Variants in MGAT5 observed in about 807,000 individuals in gnomAD.
MGAT5 encodes the protein alpha-1,6-mannosylglycoprotein 6-beta-N-acetylglucosaminyltransferase A.
A neutral mutation model predicts 94.3 loss-of-function variants in MGAT5; 30 were observed. That is an observed-to-expected ratio of 0.32 (90% CI 0.24 to 0.43). The LOEUF (loss-of-function observed/expected upper bound fraction) is 0.43. Ranked by LOEUF, MGAT5 falls within the 20% of genes least tolerant of loss-of-function variation. The pLI, the probability that MGAT5 is intolerant of heterozygous loss-of-function variation, is 1.00. For missense variants in MGAT5, 691 were observed against 905.5 expected (o/e 0.76, Z 3.04); for synonymous variants, 310 against 322.9 (o/e 0.96, Z 0.43).
At chr2:134,294,745 G>T (rs1333043287) in intron 2 of MGAT5, among the ~76,000 whole-genome samples, 1 of 152,188 alleles carries the variant, frequency 6.6e-6, no homozygotes, top group African/African-American at 2.4e-5. Context: ...TTGCTTATAA[G>T]TATGTTTATA....
At chr2:134,261,559 C>G (rs1558740962) in intron 1 of MGAT5, among the ~76,000 whole-genome samples, 1 of 152,196 alleles carries the variant, frequency 6.6e-6, no homozygotes, top group Non-Finnish European at 1.5e-5. Flanking sequence ...AGAACACAGC[C>G]ATGCGCATTC....
intron 10 of MGAT5, among the ~76,000 whole-genome samples, chr2:134,368,552 G>A (rs1680579685): frequency 6.6e-6 from 1 of 152,174 alleles, no homozygotes; most frequent in Non-Finnish European, 1.5e-5. Context: ...AAATCAGGCA[G>A]CAGAACTTTC....
intron 1 of MGAT5, among the ~76,000 whole-genome samples, chr2:134,175,602 C>T (rs1419076039): frequency 6.6e-6 from 1 of 152,226 alleles, no homozygotes; most frequent in Non-Finnish European, 1.5e-5. Context: ...TTCCTCCCTC[C>T]TCTTCCGGCT....
At chr2:134,175,758 G>C in intron 1 of MGAT5, among the ~76,000 whole-genome samples, 1 of 152,190 alleles carries the variant, frequency 6.6e-6, no homozygotes, top group South Asian at 2.1e-4. Flanking sequence ...TCCAAGCCAG[G>C]TTTGGGATTT....
chr2:134,349,317 A>T (rs980730184), intron 8 of MGAT5, among the ~76,000 whole-genome samples: 3 of 152,192 alleles, frequency 2.0e-5, no homozygotes, highest in Admixed American at 6.6e-5. Flanking sequence ...TCTAAGCTTA[A>T]TGTAAAGTCA....
chr2:134,184,574 G>T (rs372495633), intron 1 of MGAT5, among the ~76,000 whole-genome samples: 10 of 152,098 alleles, frequency 6.6e-5, no homozygotes, highest in Non-Finnish European at 1.0e-4. Context: ...GTGTTCTTGC[G>T]ATACTGTGTG....
At position 134,373,452 on chromosome 2, in the gene MGAT5, G is replaced by T. The variant is rs779141487; in HGVS notation, c.1380+11044G>T. 2.6e-5 allele frequency among the ~76,000 whole-genome samples: 4 copies of T among 152,204 alleles called. No homozygotes were observed. In the South Asian group the frequency reaches 6.2e-4, roughly 24 times the overall value. Reference sequence around the variant, plus strand: ...GAATTTGAAACAGTCTGAAAGGCATGGTCTTCTGAATGTTATTGGGCACAG... The same window carrying T: ...GAATTTGAAACAGTCTGAAAGGCATTGTCTTCTGAATGTTATTGGGCACAG... On this transcript the variant is annotated intron_variant, in intron 10 of 15. Coordinates refer to ENST00000281923, the MANE Select transcript of MGAT5 (RefSeq NM_002410.5).
chr2:134,200,080 T>A (rs1426743703), intron 1 of MGAT5, among the ~76,000 whole-genome samples: 1 of 152,188 alleles, frequency 6.6e-6, no homozygotes, highest in African/African-American at 2.4e-5. Flanking sequence ...TACGTGCAGA[T>A]AGTAAGTCTT....
intron 1 of MGAT5, among the ~76,000 whole-genome samples, chr2:134,180,444 C>A (rs1688679342): frequency 6.6e-6 from 1 of 152,174 alleles, no homozygotes; most frequent in Non-Finnish European, 1.5e-5. Flanking sequence ...TGTTTGTAAT[C>A]CTGGTGTAAA....
chr2:134,348,830 T>G (rs529825914), intron 8 of MGAT5, among the ~76,000 whole-genome samples: 2 of 152,360 alleles, frequency 1.3e-5, no homozygotes, highest in Non-Finnish European at 2.9e-5. Flanking sequence ...AAATTTTGTT[T>G]TAGGATTGAT....
intron 9 of MGAT5, among the ~76,000 whole-genome samples, chr2:134,353,429 AAAGAG>A (rs1242307976): frequency 6.6e-6 from 1 of 152,202 alleles, no homozygotes; most frequent in Non-Finnish European, 1.5e-5. Context: ...TAGTATACAA[AAAGAG>A]GAGAGTACCT....
intron 1 of MGAT5, among the ~76,000 whole-genome samples, chr2:134,265,485 A>G (rs918239544): frequency 6.6e-6 from 1 of 152,220 alleles, no homozygotes; most frequent in Non-Finnish European, 1.5e-5. Context: ...ACCTGTTCCA[A>G]TGCAGTTTAA....
intron 4 of MGAT5, among the ~76,000 whole-genome samples, chr2:134,324,431 C>A (rs1222377958): frequency 6.6e-6 from 1 of 152,124 alleles, no homozygotes; most frequent in Non-Finnish European, 1.5e-5. Flanking sequence ...TCTTTCTGTT[C>A]TCCCTTGGCA....
At chr2:134,267,195 A>T (rs935471) in intron 1 of MGAT5, among the ~76,000 whole-genome samples, 1 of 152,066 alleles carries the variant, frequency 6.6e-6, no homozygotes, top group Non-Finnish European at 1.5e-5. Context: ...GGACAGGTCC[A>T]TTGTAGTTCT....
At chr2:134,363,498 C>G (rs888750800) in intron 10 of MGAT5, among the ~76,000 whole-genome samples, 3 of 152,186 alleles carry the variant, frequency 2.0e-5, no homozygotes, top group African/African-American at 7.2e-5. Flanking sequence ...TACAGTAGTT[C>G]TCAACTGCAG....
intron 7 of MGAT5, 98 bp from the exon 8 acceptor site, chr2:134,344,832 T>A: frequency 7.0e-7 from 1 of 1,437,024 alleles, no homozygotes; most frequent in Non-Finnish European, 9.5e-7. Flanking sequence ...AAAAAGGATT[T>A]TTGGGGTGGC....
chr2:134,128,684 G>C (rs940486799), intron 1 of MGAT5, among the ~76,000 whole-genome samples: 13 of 151,872 alleles, frequency 8.6e-5, no homozygotes, highest in African/African-American at 3.1e-4. Flanking sequence ...TCAGCTTCTT[G>C]AGTAGCTAGG....
chr2:134,250,294 G>C (rs1041530062), upstream of MGAT5, among the ~76,000 whole-genome samples: 1 of 152,214 alleles, frequency 6.6e-6, no homozygotes, highest in Non-Finnish European at 1.5e-5. Flanking sequence ...TTGGCAACAA[G>C]GTCTTCTGAG....
intron 1 of MGAT5, among the ~76,000 whole-genome samples, chr2:134,183,631 T>C (rs1688857627): frequency 1.3e-5 from 2 of 152,240 alleles, no homozygotes; most frequent in Admixed American, 1.3e-4. Flanking sequence ...AAATTGCCCT[T>C]CATGCCATGG....
Sources: allele counts gnomAD v4.1 joint callset (sites outside exome capture counted in the v4.1 genomes callset), GRCh38; gene constraint gnomAD v4.1.1; transcripts MANE v1.5; gene names NCBI Gene and HGNC (gene_info 2026-07-23, HGNC 2026-07-21).